The following CAMK2D variants were observed in gnomAD, a reference collection of about 807,000 sequenced individuals.
CAMK2D encodes the protein calcium/calmodulin dependent protein kinase II delta, also known as calcium/calmodulin-dependent protein kinase type II subunit delta.
Under a neutral mutation model 84.0 loss-of-function variants are expected in CAMK2D, and 37 were observed. That is an observed-to-expected ratio of 0.44 (90% CI 0.34 to 0.58). The LOEUF (loss-of-function observed/expected upper bound fraction) is 0.58. Ranked by LOEUF, CAMK2D falls within the 20% of genes least tolerant of loss-of-function variation. The probability of loss-of-function intolerance (pLI) is 0.02; values close to 1 mark genes in which losing one functional copy is unlikely to be tolerated. For missense variants in CAMK2D, 448 were observed against 652.5 expected (o/e 0.69, Z 3.41); for synonymous variants, 202 against 212.5 (o/e 0.95, Z 0.43).
At chr4:113,670,150 C>T (rs146270582) in intron 2 of CAMK2D, among the ~76,000 whole-genome samples, 14 of 152,176 alleles carry the variant, frequency 9.2e-5, no homozygotes, top group Admixed American at 2.0e-4. Context: ...GGCATGGTAG[C>T]GTGGGCCTGT....
chr4:113,577,990 T>C (rs1229526540), intron 4 of CAMK2D, among the ~76,000 whole-genome samples: 15 of 152,154 alleles, frequency 9.9e-5, no homozygotes, highest in Non-Finnish European at 1.8e-4. Context: ...CATCCTTCTA[T>C]AGCTTGAAAG....
chr4:113,616,252 A>G (rs1263762970), intron 3 of CAMK2D, among the ~76,000 whole-genome samples: 1 of 152,132 alleles, frequency 6.6e-6, no homozygotes, highest in African/African-American at 2.4e-5. Context: ...CATCCATATT[A>G]CTTTAAAAAC....
intron 7 of CAMK2D, among the ~76,000 whole-genome samples, chr4:113,536,212 T>C (rs920850987): frequency 5.3e-5 from 8 of 152,104 alleles, no homozygotes; most frequent in South Asian, 2.1e-4. Context: ...AAAAAGATAA[T>C]GTAAAAGATA....
intron 8 of CAMK2D, among the ~76,000 whole-genome samples, chr4:113,523,087 G>T (rs1470112206): frequency 6.6e-6 from 1 of 152,016 alleles, no homozygotes; most frequent in South Asian, 2.1e-4. Flanking sequence ...CCCTGAAGAG[G>T]GCCCTCACCA....
intron 3 of CAMK2D, among the ~76,000 whole-genome samples, chr4:113,630,783 G>A (rs2099086551): frequency 6.6e-6 from 1 of 152,136 alleles, no homozygotes; most frequent in Non-Finnish European, 1.5e-5. Flanking sequence ...GCAAACATCT[G>A]TTAGATGGGA....
chr4:113,699,492 TACC>T, intron 2 of CAMK2D, among the ~76,000 whole-genome samples: 1 of 152,256 alleles, frequency 6.6e-6, no homozygotes, highest in African/African-American at 2.4e-5. Context: ...CAGAGGACAC[TACC>T]ACGTTTCTAC....
At chr4:113,490,767 C>A in intron 16 of CAMK2D, among the ~76,000 whole-genome samples, 1 of 142,150 alleles carries the variant, frequency 7.0e-6, no homozygotes, top group Non-Finnish European at 1.5e-5. Context: ...ATTCTTCCTA[C>A]CCATGAGCAT....
In CAMK2D at chr4:113,483,876, T is replaced by C. The variant is rs143774475; in HGVS notation, c.1135+16587A>G. ...ACTAATGTGGAAGGTGTAAAGAAAA[T>C]GCCCAATTTTTATTTAAATGAAAAA... On this transcript the variant is annotated intron_variant, in intron 16 of 20. Transcript: ENST00000511664. 6.0e-3 allele frequency among the ~76,000 whole-genome samples: 917 copies of C among 152,240 alleles called. 2 individuals carry two copies. The highest frequency in any genetic ancestry group is 9.1e-3 in the Non-Finnish European group (617 of 68,020).
At position 113,548,552 on chromosome 4, in the gene CAMK2D, G is replaced by A. The variant is rs1182085766; in HGVS notation, c.342-836C>T. On this transcript the variant is annotated intron_variant, in intron 5 of 20. Coordinates refer to ENST00000511664, the MANE Select transcript of CAMK2D (RefSeq NM_001321571.2). ...CATCATTTACTCATTTTAGAAACAAGTTGGGAAAGGCAAGGGAACCATTTT... is the reference window on the plus strand; with the variant it reads ...CATCATTTACTCATTTTAGAAACAAATTGGGAAAGGCAAGGGAACCATTTT... The A allele has an allele frequency of 1.4e-5, 8 of 575,352 alleles. 1 individual carries two copies. The Admixed American group carries it at 2.3e-4, about 16-fold the overall frequency. The allele number at this position is 575,352 out of a possible 1,614,324, so 35.6% of individuals were successfully genotyped here. A position where few individuals can be genotyped will look rare whatever the true frequency, so the allele number is the denominator to read the frequency against.
rs2099397759 is a variant in CAMK2D, at chr4:113,694,708, A to G, written c.161-32936T>C. On this transcript the variant is annotated intron_variant, in intron 2 of 20. Coordinates refer to ENST00000511664, the MANE Select transcript of CAMK2D (RefSeq NM_001321571.2). The stretch of plus-strand genomic sequence containing the variant: ...AAAAAAGAAAGTAATTTATAAGAAC[A>G]TTGTCAAAAATGTCAAAAGATCAGT... Among the ~76,000 whole-genome samples, 3 of 152,300 alleles carry G rather than the reference A, an allele frequency of 2.0e-5. No individual in the cohort carries two copies. The South Asian group carries it at 6.2e-4, about 32-fold the overall frequency.
rs11941638 is a variant in CAMK2D, at chr4:113,573,179, C to T, written c.276-21083G>A. Among the ~76,000 whole-genome samples the T allele has an allele frequency of 7.1e-3, 1,085 of 152,234 alleles. 14 individuals carry two copies. The highest frequency in any genetic ancestry group is 0.02 in the African/African-American group (836 of 41,538). ...TCTATGTAACAAACCTTCAAATGTACCCCCAAACCTAAAATAAAAATGGAA... is the reference window on the plus strand; with the variant it reads ...TCTATGTAACAAACCTTCAAATGTATCCCCAAACCTAAAATAAAAATGGAA... On this transcript the variant is annotated intron_variant, in intron 4 of 20. Transcript: ENST00000511664.
At chr4:113,598,043 C>T (rs1272865200) in intron 4 of CAMK2D, among the ~76,000 whole-genome samples, 1 of 151,888 alleles carries the variant, frequency 6.6e-6, no homozygotes, top group East Asian at 1.9e-4. Flanking sequence ...TTTTAAAGTT[C>T]ATATGAAAAG....
At chr4:113,486,248 G>A (rs138774158) in intron 16 of CAMK2D, among the ~76,000 whole-genome samples, 1 of 151,816 alleles carries the variant, frequency 6.6e-6, no homozygotes, top group East Asian at 1.9e-4. Flanking sequence ...TCAGCCTCTC[G>A]AGTAGGTGGG....
chr4:113,475,273 G>T (rs2097593387), intron 16 of CAMK2D, among the ~76,000 whole-genome samples: 1 of 152,194 alleles, frequency 6.6e-6, no homozygotes, highest in African/African-American at 2.4e-5. Flanking sequence ...AAGGCAGAAA[G>T]AGCTGAAGAG....
chr4:113,516,802 C>T (rs890589877), intron 9 of CAMK2D, among the ~76,000 whole-genome samples: 1 of 152,104 alleles, frequency 6.6e-6, no homozygotes, highest in Non-Finnish European at 1.5e-5. Context: ...GGAAAGCATG[C>T]CCAGACCCTG....
intron 2 of CAMK2D, among the ~76,000 whole-genome samples, chr4:113,714,469 A>C (rs2099507098): frequency 6.6e-6 from 1 of 152,106 alleles, no homozygotes; most frequent in Non-Finnish European, 1.5e-5. Flanking sequence ...CCCAAAATAC[A>C]CCATTTGACA....
At chr4:113,549,708 AAGCAAACATTTTAAT>A (rs2098609667) in intron 5 of CAMK2D, among the ~76,000 whole-genome samples, 1 of 152,216 alleles carries the variant, frequency 6.6e-6, no homozygotes, top group Non-Finnish European at 1.5e-5. Context: ...TTGAAAGATG[AAGCAAACATTTTAAT>A]AAGGACATTT....
intron 15 of CAMK2D, 65 bp from the exon 16 acceptor site, chr4:113,500,576 T>C: frequency 9.1e-7 from 1 of 1,093,380 alleles, no homozygotes; most frequent in Non-Finnish European, 1.4e-6. Context: ...TCCTTAAAAA[T>C]TGGCTAGTGA....
chr4:113,590,972 A>G lies in CAMK2D; in HGVS notation c.275+18180T>C, dbSNP rs548931675. On this transcript the variant is annotated intron_variant, in intron 4 of 20. Coordinates refer to ENST00000511664, the MANE Select transcript of CAMK2D (RefSeq NM_001321571.2). Reference sequence around the variant, plus strand: ...TTAAAATGTGAAATAATAAGTCAACATTAAACAACTAATAAGTCAACAATT... The same window carrying G: ...TTAAAATGTGAAATAATAAGTCAACGTTAAACAACTAATAAGTCAACAATT... Among the ~76,000 whole-genome samples, 66 of 152,330 alleles carry G rather than the reference A, an allele frequency of 4.3e-4. 2 individuals carry two copies. The highest frequency in any genetic ancestry group is 1.6e-3 in the African/African-American group (66 of 41,596).
Sources: gnomAD v4.1 joint callset for allele counts (sites outside exome capture counted in the v4.1 genomes callset) on GRCh38, gnomAD v4.1.1 for gene constraint, MANE v1.5 for transcripts, NCBI Gene and HGNC (gene_info 2026-07-23, HGNC 2026-07-21) for gene names.